The following CORIN variants were observed in gnomAD, a reference collection of about 807,000 sequenced individuals.
The protein encoded by CORIN is atrial natriuretic peptide-converting enzyme.
In CORIN, 117 loss-of-function variants were observed where a neutral mutation model predicts 125.3. The ratio of observed to expected loss-of-function variants is 0.93; its 90% confidence interval spans 0.80 to 1.09. The LOEUF (loss-of-function observed/expected upper bound fraction) is 1.09. Ranked by LOEUF, CORIN falls within the 50% of genes least tolerant of loss-of-function variation. CORIN has a pLI of 0.00. For missense variants in CORIN, 1,253 were observed against 1,306.7 expected (o/e 0.96, Z 0.63); for synonymous variants, 450 against 466.4 (o/e 0.96, Z 0.45).
intron 3 of CORIN, among the ~76,000 whole-genome samples, chr4:47,782,253 C>T (rs1203771148): frequency 6.6e-6 from 1 of 151,710 alleles, no homozygotes; most frequent in Non-Finnish European, 1.5e-5. Flanking sequence ...GGCATAGTGG[C>T]GTGTGCTTGT....
chr4:47,808,180 G>A (rs1577941120), intron 1 of CORIN, among the ~76,000 whole-genome samples: 1 of 152,082 alleles, frequency 6.6e-6, no homozygotes, highest in South Asian at 2.1e-4. Context: ...CCAATATGGG[G>A]AGTGGAGTCC....
intron 4 of CORIN, among the ~76,000 whole-genome samples, chr4:47,761,025 T>G (rs1199761431): frequency 6.6e-6 from 1 of 152,236 alleles, no homozygotes; most frequent in Non-Finnish European, 1.5e-5. Flanking sequence ...AGATTAGGCT[T>G]TGGCTTAAGA....
chr4:47,765,756 T>C (rs1428329332), intron 3 of CORIN, among the ~76,000 whole-genome samples: 1 of 152,214 alleles, frequency 6.6e-6, no homozygotes, highest in African/African-American at 2.4e-5. Context: ...GCATTTAACT[T>C]GTTGCCAGTG....
chr4:47,838,062 C>A lies in CORIN; in HGVS notation c.-113G>T. 5 of 1,529,462 alleles carry A rather than the reference C, an allele frequency of 3.3e-6. No homozygotes were observed. Among genetic ancestry groups the A allele is most frequent in the Middle Eastern group, 1.7e-4 (1 of 5,762 alleles). 94.7% of individuals were successfully genotyped at this position (1,529,462 alleles called of 1,614,324 possible). On this transcript the variant is annotated 5_prime_UTR_variant, in exon 1 of 22. Transcript: ENST00000273857. ...TGATTTTCTCCAAGCTCAAGAGAGA[C>A]AAACTGAACTTTAAGCGCCAGGGGC... is the stretch of plus-strand genomic sequence containing the variant.
intron 19 of CORIN, 109 bp downstream of exon 19, chr4:47,623,462 G>C (rs1483437894): frequency 1.7e-6 from 2 of 1,160,114 alleles, no homozygotes; most frequent in Non-Finnish European, 2.4e-6. Flanking sequence ...TAGATTAGCT[G>C]TGGCTTTCGC....
chr4:47,665,335 C>A, intron 10 of CORIN, 72 bp from the exon 11 acceptor site: 1 of 1,117,514 alleles, frequency 8.9e-7, no homozygotes, highest in Non-Finnish European at 1.3e-6. Flanking sequence ...GTTTTACAAA[C>A]TTGAAGTCTA....
chr4:47,602,765 G>A (rs1388124479), intron 20 of CORIN, among the ~76,000 whole-genome samples: 1 of 152,172 alleles, frequency 6.6e-6, no homozygotes, highest in East Asian at 1.9e-4. Context: ...CATTATTAAT[G>A]TCTATGATTT....
intron 16 of CORIN, among the ~76,000 whole-genome samples, chr4:47,632,956 C>T (rs1292217310): frequency 6.6e-6 from 1 of 151,964 alleles, no homozygotes; most frequent in Non-Finnish European, 1.5e-5. Flanking sequence ...AATTTTTGTA[C>T]TTTTTGGTGG....
chr4:47,735,300 G>T (rs866821354), intron 5 of CORIN, among the ~76,000 whole-genome samples: 4 of 152,102 alleles, frequency 2.6e-5, no homozygotes, highest in Middle Eastern at 3.2e-3. Flanking sequence ...CATAAAGCAA[G>T]AGACAGAATA....
chr4:47,643,748 A>G (rs1270348336), intron 14 of CORIN, among the ~76,000 whole-genome samples: 1 of 152,100 alleles, frequency 6.6e-6, no homozygotes, highest in Admixed American at 6.5e-5. Flanking sequence ...TTGATTGCCT[A>G]CTTAACAACC....
chr4:47,830,010 G>C (rs1732910118), intron 1 of CORIN, among the ~76,000 whole-genome samples: 1 of 152,178 alleles, frequency 6.6e-6, no homozygotes, highest in Non-Finnish European at 1.5e-5. Context: ...GGACAAAACT[G>C]TTTTAAAGGA....
intron 5 of CORIN, among the ~76,000 whole-genome samples, chr4:47,727,049 C>A (rs35872693): frequency 0.099 from 15,004 of 151,952 alleles, 876 homozygotes; most frequent in East Asian, 0.27. Context: ...AGAGACCATG[C>A]ATGGCTTTAC....
intron 1 of CORIN, among the ~76,000 whole-genome samples, chr4:47,830,312 C>T (rs1206353414): frequency 6.6e-6 from 1 of 151,986 alleles, no homozygotes; most frequent in East Asian, 1.9e-4. Flanking sequence ...AATAAAATGG[C>T]ACAATCTTTA....
At chr4:47,721,280 T>C (rs1560519526) in intron 5 of CORIN, among the ~76,000 whole-genome samples, 2 of 151,814 alleles carry the variant, frequency 1.3e-5, no homozygotes, top group Admixed American at 6.6e-5. Flanking sequence ...TTTTCTTTTT[T>C]TTTTTTTGAG....
chr4:47,611,124 C>T (rs1487510299), intron 19 of CORIN, among the ~76,000 whole-genome samples: 1 of 152,084 alleles, frequency 6.6e-6, no homozygotes, highest in Non-Finnish European at 1.5e-5. Context: ...TTTTCTAATT[C>T]TGTGAAGAAT....
At chr4:47,646,172 A>T (rs1482364529) in intron 13 of CORIN, among the ~76,000 whole-genome samples, 2 of 152,068 alleles carry the variant, frequency 1.3e-5, no homozygotes, top group Non-Finnish European at 2.9e-5. Flanking sequence ...CATAAGACTT[A>T]TCTATAAAAT....
chr4:47,823,542 A>G (rs1732612787), intron 1 of CORIN, among the ~76,000 whole-genome samples: 1 of 152,218 alleles, frequency 6.6e-6, no homozygotes, highest in Non-Finnish European at 1.5e-5. Flanking sequence ...GTGCATTCAC[A>G]TATGTACACA....
intron 5 of CORIN, among the ~76,000 whole-genome samples, chr4:47,707,265 A>G (rs778136525): frequency 5.9e-5 from 9 of 152,172 alleles, no homozygotes; most frequent in Non-Finnish European, 8.8e-5. Flanking sequence ...ATAAATTCTT[A>G]AAAGAAGAGA....
chr4:47,837,864 G>A (rs1395008992), intron 1 of CORIN, 23 bp downstream of exon 1: 4 of 1,605,332 alleles, frequency 2.5e-6, no homozygotes, highest in Non-Finnish European at 3.4e-6. Context: ...GGCTGCGGTA[G>A]GACAGCGAAT....
Sources: gnomAD v4.1 joint callset for allele counts (sites outside exome capture counted in the v4.1 genomes callset) on GRCh38, gnomAD v4.1.1 for gene constraint, MANE v1.5 for transcripts, NCBI Gene and HGNC (gene_info 2026-07-23, HGNC 2026-07-21) for gene names.